Variants in SYNE2 observed in about 807,000 individuals in gnomAD.
SYNE2 encodes the protein nesprin-2.
In SYNE2, 431 loss-of-function variants were observed where a neutral mutation model predicts 856.3. The ratio of observed to expected loss-of-function variants is 0.50; its 90% CI spans 0.47 to 0.55. SYNE2 has a LOEUF of 0.55. Ranked by LOEUF, SYNE2 falls within the 20% of genes least tolerant of loss-of-function variation. The pLI is 0.00. For missense variants in SYNE2, 8,129 were observed against 8,023.2 expected (o/e 1.01, Z -0.50); for synonymous variants, 2,923 against 2,872.3 (o/e 1.02, Z -0.56).
At position 63,948,744 on chromosome 14, in the gene SYNE2, G is replaced by A. The variant is rs1345628345; in HGVS notation, c.409-1081G>A. 8.0e-3 allele frequency among the ~76,000 whole-genome samples: 691 copies of A among 86,060 alleles called. 23 individuals carry two copies. The highest frequency in any genetic ancestry group is 0.034 in the African/African-American group (618 of 17,974). The allele number at this position is 86,060 out of a possible 152,430, so 56.5% of individuals were successfully genotyped here. On this transcript the variant is annotated intron_variant, in intron 6 of 115. Coordinates refer to ENST00000555002, the MANE Select transcript of SYNE2 (RefSeq NM_182914.3). ...TGTGTATATATATGTGTATAGATAT[G>A]TGTGTGTATATATATGTATATATAT...
chr14:63,879,605 G>A (rs1177729410), intron 1 of SYNE2, among the ~76,000 whole-genome samples: 1 of 152,232 alleles, frequency 6.6e-6, no homozygotes, highest in East Asian at 1.9e-4. Flanking sequence ...ATAGGAAAGA[G>A]AGAGTGGTAA....
intron 93 of SYNE2, among the ~76,000 whole-genome samples, 171 bp downstream of exon 93, chr14:64,169,142 G>C (rs2098398090): frequency 1.3e-5 from 2 of 152,116 alleles, no homozygotes; most frequent in South Asian, 4.2e-4. Context: ...AGATCTTGCT[G>C]GGTGACCATA....
chr14:64,180,145 T>A (rs2098451392), intron 96 of SYNE2, among the ~76,000 whole-genome samples: 1 of 152,178 alleles, frequency 6.6e-6, no homozygotes, highest in Non-Finnish European at 1.5e-5. Context: ...AATACCAAAT[T>A]TCCATAAACG....
chr14:64,091,550 C>T (rs1477975661), intron 60 of SYNE2, among the ~76,000 whole-genome samples: 1 of 152,146 alleles, frequency 6.6e-6, no homozygotes, highest in Non-Finnish European at 1.5e-5. Context: ...AATTTATGTA[C>T]ACATGGAACA....
At chr14:64,202,403 A>C in intron 99 of SYNE2, 1 of 648,800 alleles carries the variant, frequency 1.5e-6, no homozygotes, top group Non-Finnish European at 2.8e-6. Flanking sequence ...CTGCAGTCTC[A>C]GGCATACCCA....
chr14:64,202,881 G>C lies in SYNE2; in HGVS notation c.18119G>C (p.Arg6040Pro). The stretch of plus-strand genomic sequence containing the variant: ...AGCAACCTTCGCACCTGGTTGGCTC[G>C]AATTGAGTCTGAGCTTTCCAAGCCT... Reference protein sequence around the residue: ...NMSNLRTWLARIESELSKPVV... With the variant: ...NMSNLRTWLAPIESELSKPVV... The change falls in exon 100 of 116, where the codon CGA becomes CCA. Residue 6040 changes from arginine (R) to proline (P), a missense_variant. Physicochemically the swap from Arg to Pro is moderately radical, Grantham distance 103. Coordinates refer to ENST00000555002, the MANE Select transcript of SYNE2 (RefSeq NM_182914.3). The C allele has an allele frequency of 6.2e-7, 1 of 1,614,126 alleles. No individual in the cohort carries two copies. The highest frequency in any genetic ancestry group is 8.5e-7 in the Non-Finnish European group (1 of 1,180,020).
intron 1 of SYNE2, among the ~76,000 whole-genome samples, chr14:63,803,047 C>T (rs1888213678): frequency 6.6e-6 from 1 of 152,162 alleles, no homozygotes; most frequent in African/African-American, 2.4e-5. Flanking sequence ...AGGCAGCCTG[C>T]TTTTATTCTC....
intron 85 of SYNE2, among the ~76,000 whole-genome samples, chr14:64,157,989 T>C (rs537250250): frequency 6.6e-6 from 1 of 152,356 alleles, no homozygotes; most frequent in Non-Finnish European, 1.5e-5. Context: ...TGAGATCATT[T>C]TGGATATGCA....
intron 65 of SYNE2, among the ~76,000 whole-genome samples, chr14:64,112,680 G>A (rs1224610958): frequency 6.6e-6 from 1 of 152,180 alleles, no homozygotes; most frequent in Non-Finnish European, 1.5e-5. Flanking sequence ...GTATGCAGAA[G>A]GGGAAGGAAG....
intron 65 of SYNE2, among the ~76,000 whole-genome samples, chr14:64,112,297 G>T (rs775801277): frequency 6.6e-6 from 1 of 152,164 alleles, no homozygotes; most frequent in Non-Finnish European, 1.5e-5. Flanking sequence ...ATGCTAACAC[G>T]TTAACAAACT....
At chr14:64,163,626 A>C in intron 89 of SYNE2, 45 bp downstream of exon 89, 7 of 1,608,310 alleles carry the variant, frequency 4.4e-6, no homozygotes, top group Non-Finnish European at 5.9e-6. Context: ...AGACATTTGC[A>C]TTCCATCCTC....
rs772178786 is a variant in SYNE2, at chr14:63,967,699, C to T, written c.991-10C>T. On this transcript the variant is annotated splice_polypyrimidine_tract_variant and intron_variant, in intron 10 of 115. Transcript: ENST00000555002. ...CATTTTCAATCTTTAAAATACTCTT[C>T]TAATTGCAGAGCCTGCTGTCCTTTA... The T allele has an allele frequency of 1.2e-6, 2 of 1,613,442 alleles. No homozygotes were observed. Among genetic ancestry groups the T allele is most frequent in the Non-Finnish European group, 8.5e-7 (1 of 1,179,512 alleles).
intron 1 of SYNE2, among the ~76,000 whole-genome samples, chr14:63,821,892 T>C (rs1889229945): frequency 6.6e-6 from 1 of 150,918 alleles, no homozygotes; most frequent in African/African-American, 2.4e-5. Context: ...GAAGCATTTA[T>C]TCAAGAAAAA....
intron 2 of SYNE2, among the ~76,000 whole-genome samples, chr14:63,938,948 G>GTGCATGTGTGCGCT (rs71123817): frequency 0.19 from 28,881 of 151,818 alleles, 3,138 homozygotes; most frequent in African/African-American, 0.3. Context: ...GTGTGCGTGT[G>GTGCATGTGTGCGCT]TGCATGTGTG....
In SYNE2 at chr14:64,169,937, G is replaced by A. The variant is rs142809656; in HGVS notation, c.17001-291G>A. On this transcript the variant is annotated intron_variant, in intron 93 of 115. Coordinates refer to ENST00000555002, the MANE Select transcript of SYNE2 (RefSeq NM_182914.3). ...TCCAGTTTCTAGTTTTCCTTTCCAC[G>A]TTTGGCCTAATGTATATTAAAACAG... Among the ~76,000 whole-genome samples, 65 of 152,154 alleles carry A rather than the reference G, an allele frequency of 4.3e-4. No individual in the cohort carries two copies. The East Asian group carries it at 6.4e-3, about 15-fold the overall frequency.
At chr14:63,914,505 G>A (rs1346664076) in intron 2 of SYNE2, among the ~76,000 whole-genome samples, 1 of 152,200 alleles carries the variant, frequency 6.6e-6, no homozygotes, top group African/African-American at 2.4e-5. Context: ...TGAGGTACAG[G>A]AAGGCTGGAA....
At chr14:64,078,042 C>G (rs1458301038) in intron 54 of SYNE2, among the ~76,000 whole-genome samples, 1 of 152,048 alleles carries the variant, frequency 6.6e-6, no homozygotes, top group Non-Finnish European at 1.5e-5. Flanking sequence ...TTTGGTTTTA[C>G]TGAAAACAGA....
At chr14:63,959,932 A>G (rs2096288797) in intron 8 of SYNE2, among the ~76,000 whole-genome samples, 1 of 152,218 alleles carries the variant, frequency 6.6e-6, no homozygotes. Context: ...TTTCCTCCGC[A>G]TAATTGCCCA....
chr14:64,209,197 A>G, intron 101 of SYNE2: 8 of 818,372 alleles, frequency 9.8e-6, no homozygotes, highest in Non-Finnish European at 1.5e-5. Context: ...GCTGGGCAGT[A>G]GTGGAGGCAG....
Sources: gnomAD v4.1 joint callset for allele counts (sites outside exome capture counted in the v4.1 genomes callset) on GRCh38, gnomAD v4.1.1 for gene constraint, MANE v1.5 for transcripts, NCBI Gene and HGNC (gene_info 2026-07-23, HGNC 2026-07-21) for gene names.